STXBP5: variants seen among roughly 807,000 people sequenced by gnomAD.
STXBP5 encodes syntaxin-binding protein 5.
STXBP5 carries 50 observed loss-of-function variants against 152.4 expected under a neutral mutation model. That is an observed-to-expected ratio of 0.33 (90% CI 0.26 to 0.42). STXBP5 has a LOEUF of 0.42. STXBP5 is among the 10% of genes least tolerant of loss of function. The pLI, the probability that STXBP5 is intolerant of heterozygous loss-of-function variation, is 1.00. For synonymous variants in STXBP5, 492 were observed against 494.7 expected, an observed-to-expected ratio of 0.99 and a Z score of 0.07; for missense variants, 1,167 against 1,388.6, an observed-to-expected ratio of 0.84 and a Z score of 2.54.
At chr6:147,226,650 A>G (rs947889499) in intron 2 of STXBP5, among the ~76,000 whole-genome samples, 1 of 152,232 alleles carries the variant, frequency 6.6e-6, no homozygotes, top group Non-Finnish European at 1.5e-5. Flanking sequence ...TAAAATTTCA[A>G]ATGAACTGAT....
intron 25 of STXBP5, among the ~76,000 whole-genome samples, chr6:147,367,896 A>T (rs1785366927): frequency 6.6e-6 from 1 of 152,142 alleles, no homozygotes; most frequent in African/African-American, 2.4e-5. Flanking sequence ...AGTTTATGCC[A>T]AAAATATTCA....
chr6:147,311,043 G>T (rs555103144), intron 10 of STXBP5, among the ~76,000 whole-genome samples: 16 of 152,188 alleles, frequency 1.1e-4, no homozygotes, highest in African/African-American at 3.9e-4. Context: ...TCATTGAGGT[G>T]TAAAGATGTA....
At chr6:147,224,494 T>G (rs1777612755) in intron 2 of STXBP5, among the ~76,000 whole-genome samples, 1 of 152,212 alleles carries the variant, frequency 6.6e-6, no homozygotes, top group African/African-American at 2.4e-5. Context: ...AAAATTAAGT[T>G]GCAGGTGATC....
intron 9 of STXBP5, among the ~76,000 whole-genome samples, chr6:147,309,193 A>G (rs1782245475): frequency 1.3e-5 from 2 of 152,166 alleles, no homozygotes. Flanking sequence ...AGGAAGTAAC[A>G]TCATGAATAA....
chr6:147,243,247 A>G (rs558322997), intron 4 of STXBP5, among the ~76,000 whole-genome samples: 37 of 152,246 alleles, frequency 2.4e-4, no homozygotes, highest in African/African-American at 8.7e-4. Context: ...CCTTACTAAC[A>G]TTTGGTATTG....
intron 4 of STXBP5, 79 bp downstream of exon 4, chr6:147,239,349 G>T (rs1158861623): frequency 8.0e-7 from 1 of 1,254,194 alleles, no homozygotes; most frequent in Non-Finnish European, 1.1e-6. Context: ...GATTTTTTGT[G>T]TGTGATGGAC....
At chr6:147,215,369 A>G (rs1471924387) in intron 2 of STXBP5, among the ~76,000 whole-genome samples, 10 of 152,150 alleles carry the variant, frequency 6.6e-5, no homozygotes, top group Admixed American at 6.5e-4. Flanking sequence ...AAAAAGAATC[A>G]GTAATTTTTT....
intron 27 of STXBP5, 108 bp downstream of exon 27, chr6:147,383,106 A>C (rs1410970523): frequency 1.5e-6 from 2 of 1,305,226 alleles, no homozygotes; most frequent in Admixed American, 4.4e-5. Context: ...ATTTGCATAT[A>C]TTCATTGTAC....
At chr6:147,289,212 C>T (rs1298215989) in intron 8 of STXBP5, among the ~76,000 whole-genome samples, 1 of 152,194 alleles carries the variant, frequency 6.6e-6, no homozygotes, top group African/African-American at 2.4e-5. Flanking sequence ...CATCATCTGA[C>T]ATTTCTAGAG....
chr6:147,390,469 C>T lies in STXBP5; in HGVS notation c.*5714C>T, dbSNP rs952001859. On this transcript the variant is annotated 3_prime_UTR_variant, in exon 28 of 28. Coordinates refer to ENST00000321680, the MANE Select transcript of STXBP5 (RefSeq NM_001127715.4). The stretch of plus-strand genomic sequence containing the variant: ...TAAAATACTCTAATCTCTCCTGAAA[C>T]TAAACAAGCCCTTTTTCCTGGAAAA... 4 of 151,864 alleles carry T rather than the reference C, an allele frequency of 2.6e-5. No individual in the cohort carries two copies. Among genetic ancestry groups the T allele is most frequent in the Admixed American group, 6.6e-5 (1 of 15,188 alleles). 9.4% of individuals were successfully genotyped at this position (151,864 alleles called of 1,614,324 possible). A position where few individuals can be genotyped will look rare whatever the true frequency, so the allele number is the denominator to read the frequency against.
rs757885363 is a variant in STXBP5 at position 147,363,342 on chromosome 6, A to G, written c.2553A>G (p.Ile851Met). The change falls in exon 24 of 28, where the codon ATA (isoleucine) becomes ATG (methionine). Residue 851 changes from isoleucine (I) to methionine (M), a missense_variant. Physicochemically the swap from Ile to Met is conservative, Grantham distance 10. Transcript: ENST00000321680. ...TAGACTTCTATATTTTAGGTACTAT[A>G]TTGAGGTTAAAAGGTGCAATCTTGA... is the stretch of plus-strand genomic sequence containing the variant. ...QPVIVSPSGT[I>M]LRLKGAILRM... The G allele has an allele frequency of 6.9e-5, 109 of 1,589,954 alleles. No homozygotes were observed. Among genetic ancestry groups the G allele is most frequent in the Non-Finnish European group, 9.0e-5 (105 of 1,171,328 alleles).
chr6:147,353,287 T>A, intron 21 of STXBP5, 36 bp from the exon 22 acceptor site: 1 of 1,411,352 alleles, frequency 7.1e-7, no homozygotes, highest in South Asian at 1.3e-5. Context: ...GAATCAAATA[T>A]TCTTCAGAAT....
At chr6:147,284,232 A>G (rs907661019) in intron 8 of STXBP5, among the ~76,000 whole-genome samples, 18 of 152,124 alleles carry the variant, frequency 1.2e-4, no homozygotes, top group African/African-American at 4.3e-4. Context: ...CGGCTACCCT[A>G]TTGGATAGCC....
At chr6:147,292,125 G>C (rs1033555426) in intron 9 of STXBP5, 1 of 369,302 alleles carries the variant, frequency 2.7e-6, no homozygotes, top group African/African-American at 2.2e-5. Flanking sequence ...ATAACCACTG[G>C]ATATTACAAC....
At chr6:147,358,555 G>T (rs1259016178) in intron 22 of STXBP5, among the ~76,000 whole-genome samples, 1 of 152,030 alleles carries the variant, frequency 6.6e-6, no homozygotes, top group East Asian at 1.9e-4. Context: ...AACAATGCAG[G>T]TGTTAAGGAC....
chr6:147,341,512 T>C (rs1436920278), intron 21 of STXBP5, among the ~76,000 whole-genome samples: 2 of 152,322 alleles, frequency 1.3e-5, no homozygotes, highest in Middle Eastern at 3.4e-3. Context: ...TAGGTAGTTA[T>C]ACAGTGGCTG....
intron 9 of STXBP5, among the ~76,000 whole-genome samples, chr6:147,292,024 A>T (rs1170730592): frequency 1.3e-5 from 2 of 152,124 alleles, no homozygotes; most frequent in Admixed American, 1.3e-4. Flanking sequence ...TAGGGTCGGG[A>T]CCCAGCAATC....
At chr6:147,346,714 T>TG (rs1365837159) in intron 21 of STXBP5, among the ~76,000 whole-genome samples, 3 of 151,786 alleles carry the variant, frequency 2.0e-5, no homozygotes, top group African/African-American at 7.3e-5. Context: ...CACTCCAGTG[T>TG]GGGTGACAGG....
chr6:147,212,574 T>G (rs538753348), intron 2 of STXBP5, among the ~76,000 whole-genome samples: 21 of 152,208 alleles, frequency 1.4e-4, no homozygotes, highest in African/African-American at 4.6e-4. Context: ...TTAGAATTTC[T>G]TTTTCTGTGG....
Sources: allele counts gnomAD v4.1 joint callset (sites outside exome capture counted in the v4.1 genomes callset), GRCh38; gene constraint gnomAD v4.1.1; transcripts MANE v1.5; gene names NCBI Gene and HGNC (gene_info 2026-07-23, HGNC 2026-07-21).